Variants in KDM4B observed in about 807,000 individuals in gnomAD.
KDM4B encodes the protein lysine demethylase 4B.
KDM4B carries 32 observed loss-of-function variants against 125.2 expected under a neutral mutation model. The observed-to-expected ratio is 0.26, with a 90% confidence interval of 0.19 to 0.34. The LOEUF (loss-of-function observed/expected upper bound fraction) is 0.34, where lower values mean the gene tolerates loss of function less well. KDM4B is among the 10% of genes least tolerant of loss of function. The pLI is 1.00. For missense variants in KDM4B, 1,190 were observed against 1,577.7 expected, an observed-to-expected ratio of 0.75 and a Z score of 4.16; for synonymous variants, 721 against 677.9, an observed-to-expected ratio of 1.06 and a Z score of -0.99.
At position 5,150,381 on chromosome 19, in the gene KDM4B, G is replaced by A; in HGVS notation, c.3045G>A (p.Gln1015=). 6.4e-7 allele frequency: 1 copy of A among 1,551,386 alleles called. No individual in the cohort carries two copies. The highest frequency in any genetic ancestry group is 8.7e-7 in the Non-Finnish European group (1 of 1,146,972). The change falls in exon 22 of 23, where the codon CAG becomes CAA. Residue 1015 remains glutamine, a synonymous_variant. Coordinates refer to ENST00000159111, the MANE Select transcript of KDM4B (RefSeq NM_015015.3). ...IYQVEFEDGS[Q]LTVKRGDIFT... Reference sequence around the variant, plus strand: ...AGGTGGAGTTTGAGGACGGGTCCCAGCTGACGGTGAAGCGTGGGGACATCT... The same window carrying A: ...AGGTGGAGTTTGAGGACGGGTCCCAACTGACGGTGAAGCGTGGGGACATCT...
intron 6 of KDM4B, among the ~76,000 whole-genome samples, chr19:5,069,414 A>G (rs1200619144): frequency 6.6e-6 from 1 of 151,538 alleles, no homozygotes; most frequent in Non-Finnish European, 1.5e-5. Context: ...GATTCAAGCA[A>G]TTCTCCTGCC....
chr19:4,987,426 G>A (rs1403910850), intron 1 of KDM4B, among the ~76,000 whole-genome samples: 1 of 152,042 alleles, frequency 6.6e-6, no homozygotes, highest in Non-Finnish European at 1.5e-5. Context: ...TGGCAGGGCT[G>A]GAATCTGTCT....
chr19:5,068,143 C>T (rs906644667), intron 6 of KDM4B, among the ~76,000 whole-genome samples: 7 of 151,912 alleles, frequency 4.6e-5, no homozygotes, highest in African/African-American at 1.5e-4. Flanking sequence ...AGGGATGCCC[C>T]AGCATGGCCC....
Position 5,024,993 on chromosome 19 carries a change from C to T in KDM4B, c.-25-7873C>T, listed in dbSNP as rs554916671. 5.9e-5 allele frequency among the ~76,000 whole-genome samples: 9 copies of T among 152,334 alleles called. No individual in the cohort carries two copies. The East Asian group carries it at 1.5e-3, about 26-fold the overall frequency. On this transcript the variant is annotated intron_variant, in intron 2 of 22. Transcript: ENST00000159111. ...GCTTTATTGAGATACAATTTGCGAA[C>T]CATACAAGTCACCCATTTGAAGCAT...
intron 21 of KDM4B, among the ~76,000 whole-genome samples, chr19:5,147,043 T>C (rs2039864462): frequency 6.9e-6 from 1 of 144,750 alleles, no homozygotes; most frequent in East Asian, 2.2e-4. Context: ...GACAACACCC[T>C]CCGCCTGCCC....
At chr19:5,067,151 C>T (rs2037796775) in intron 6 of KDM4B, among the ~76,000 whole-genome samples, 1 of 152,186 alleles carries the variant, frequency 6.6e-6, no homozygotes, top group Admixed American at 6.5e-5. Context: ...AGCCCCCGCC[C>T]AGACATACCC....
chr19:5,040,928 G>A (rs1414503753), intron 4 of KDM4B, among the ~76,000 whole-genome samples: 1 of 152,236 alleles, frequency 6.6e-6, no homozygotes, highest in Non-Finnish European at 1.5e-5. Context: ...ACTGAGGAGG[G>A]GTACGTGGGT....
At chr19:4,991,682 T>C (rs1033159988) in intron 1 of KDM4B, among the ~76,000 whole-genome samples, 1 of 152,138 alleles carries the variant, frequency 6.6e-6, no homozygotes, top group Non-Finnish European at 1.5e-5. Flanking sequence ...TTCTGTTACC[T>C]GCACAGATTC....
At chr19:5,132,784 C>T (rs1466317066) in intron 13 of KDM4B, among the ~76,000 whole-genome samples, 4 of 152,178 alleles carry the variant, frequency 2.6e-5, no homozygotes, top group Admixed American at 6.5e-5. Context: ...GAGACCATCA[C>T]GGCCCCAGAA....
At chr19:5,005,344 G>T (rs778897777) in intron 1 of KDM4B, among the ~76,000 whole-genome samples, 9 of 152,206 alleles carry the variant, frequency 5.9e-5, no homozygotes, top group Admixed American at 3.9e-4. Context: ...GGCCACTGGG[G>T]CATAGATCAG....
At chr19:5,079,393 G>C (rs772029346) in intron 8 of KDM4B, among the ~76,000 whole-genome samples, 1 of 152,222 alleles carries the variant, frequency 6.6e-6, no homozygotes, top group Non-Finnish European at 1.5e-5. Flanking sequence ...CCAGGATGCA[G>C]GTTTTCTCGC....
At chr19:5,016,871 G>A (rs1459962480) in intron 2 of KDM4B, among the ~76,000 whole-genome samples, 1 of 152,216 alleles carries the variant, frequency 6.6e-6, no homozygotes, top group Non-Finnish European at 1.5e-5. Flanking sequence ...ACAAAGAGGT[G>A]CCTCTGGTGG....
chr19:5,084,501 A>G (rs750309086), intron 9 of KDM4B, among the ~76,000 whole-genome samples: 1 of 120,456 alleles, frequency 8.3e-6, no homozygotes, highest in African/African-American at 3.2e-5. Flanking sequence ...TATAATTTAT[A>G]TATTATATAT....
chr19:5,097,101 G>A (rs2038843175), intron 9 of KDM4B, among the ~76,000 whole-genome samples: 1 of 152,162 alleles, frequency 6.6e-6, no homozygotes, highest in Non-Finnish European at 1.5e-5. Context: ...GATGGTGCCT[G>A]TTCACGAAGA....
Position 5,024,393 on chromosome 19 carries a change from C to G in KDM4B, c.-26+8054C>G, listed in dbSNP as rs534761590. 2.0e-5 allele frequency among the ~76,000 whole-genome samples: 3 copies of G among 152,246 alleles called. No homozygotes were observed. The East Asian group carries it at 5.8e-4, about 29-fold the overall frequency. The stretch of plus-strand genomic sequence containing the variant: ...AGACTGAAGAGTGAGGGTGGCAGCC[C>G]GGGAGGGTATCCTTGGGCCCAGTGT... On this transcript the variant is annotated intron_variant, in intron 2 of 22. Transcript: ENST00000159111.
At chr19:5,054,065 T>A (rs996749931) in intron 6 of KDM4B, among the ~76,000 whole-genome samples, 1 of 152,218 alleles carries the variant, frequency 6.6e-6, no homozygotes, top group Non-Finnish European at 1.5e-5. Flanking sequence ...TGGGCCTCAG[T>A]GACCAGCTCA....
chr19:5,007,428 T>G (rs565789313), intron 1 of KDM4B, among the ~76,000 whole-genome samples: 1 of 152,342 alleles, frequency 6.6e-6, no homozygotes, highest in African/African-American at 2.4e-5. Flanking sequence ...TTGTTTGTCT[T>G]TTGTTGAGTT....
chr19:5,108,712 A>G (rs1358998540), intron 9 of KDM4B, among the ~76,000 whole-genome samples: 2 of 152,230 alleles, frequency 1.3e-5, no homozygotes, highest in Non-Finnish European at 2.9e-5. Flanking sequence ...TTGAAATGGA[A>G]GAGTGTCTCA....
At chr19:5,025,468 C>G (rs1442285223) in intron 2 of KDM4B, among the ~76,000 whole-genome samples, 1 of 152,254 alleles carries the variant, frequency 6.6e-6, no homozygotes, top group Non-Finnish European at 1.5e-5. Flanking sequence ...GTTGCATGCC[C>G]TGGAAGCCAG....
Sources: gnomAD v4.1 joint callset for allele counts (sites outside exome capture counted in the v4.1 genomes callset) on GRCh38, gnomAD v4.1.1 for gene constraint, MANE v1.5 for transcripts, NCBI Gene and HGNC (gene_info 2026-07-23, HGNC 2026-07-21) for gene names.